MACROD2: variants seen among roughly 807,000 people sequenced by gnomAD.
MACROD2 encodes mono-ADP ribosylhydrolase 2, also known as ADP-ribose glycohydrolase MACROD2.
Under a neutral mutation model 70.4 loss-of-function variants are expected in MACROD2, and 36 were observed. The observed-to-expected ratio is 0.51, with a 90% CI of 0.39 to 0.68. MACROD2 has a LOEUF of 0.68. Among genes scored for constraint, MACROD2 ranks in the 30% least tolerant of loss-of-function variants. The probability of loss-of-function intolerance (pLI) is 0.00; values close to 1 mark genes in which losing one functional copy is unlikely to be tolerated. For missense variants in MACROD2, 496 were observed against 538.4 expected (o/e 0.92, Z 0.78); for synonymous variants, 172 against 178.8 (o/e 0.96, Z 0.30).
intron 5 of MACROD2, among the ~76,000 whole-genome samples, chr20:14,871,495 C>A (rs745525823): frequency 6.6e-6 from 1 of 152,106 alleles, no homozygotes. Flanking sequence ...GTCACCAGAC[C>A]TACCTTACAG....
At chr20:15,406,369 A>G (rs2046001234) in intron 6 of MACROD2, among the ~76,000 whole-genome samples, 1 of 152,068 alleles carries the variant, frequency 6.6e-6, no homozygotes, top group Admixed American at 6.6e-5. Context: ...ACAACCCTTG[A>G]CCTCCTGGCC....
chr20:14,588,969 TAG>T (rs1459538370), intron 4 of MACROD2, among the ~76,000 whole-genome samples: 1 of 152,218 alleles, frequency 6.6e-6, no homozygotes, highest in African/African-American at 2.4e-5. Flanking sequence ...TAAATTATTT[TAG>T]AGAGGGGATA....
At chr20:15,480,265 CTG>C (rs1291554078) in intron 7 of MACROD2, among the ~76,000 whole-genome samples, 1 of 152,100 alleles carries the variant, frequency 6.6e-6, no homozygotes, top group Non-Finnish European at 1.5e-5. Flanking sequence ...CCCCTTAAAA[CTG>C]GCCAAATGTT....
At chr20:14,667,373 G>A (rs1264358683) in intron 4 of MACROD2, among the ~76,000 whole-genome samples, 1 of 152,124 alleles carries the variant, frequency 6.6e-6, no homozygotes, top group African/African-American at 2.4e-5. Context: ...CTGAAGTATT[G>A]CATTTAGTCT....
intron 8 of MACROD2, among the ~76,000 whole-genome samples, chr20:15,586,725 A>C (rs1382594193): frequency 6.6e-6 from 1 of 152,222 alleles, no homozygotes; most frequent in African/African-American, 2.4e-5. Context: ...CTATTTGTAC[A>C]ATAGAAATGT....
At chr20:14,616,795 C>A (rs564356589) in intron 4 of MACROD2, among the ~76,000 whole-genome samples, 2 of 152,218 alleles carry the variant, frequency 1.3e-5, no homozygotes, top group East Asian at 3.9e-4. Flanking sequence ...CCTACTTCAT[C>A]TTAATGTCTA....
intron 8 of MACROD2, among the ~76,000 whole-genome samples, chr20:15,850,279 C>T (rs922378806): frequency 6.6e-6 from 1 of 152,070 alleles, no homozygotes; most frequent in Non-Finnish European, 1.5e-5. Context: ...CAAGGGTGAT[C>T]GAACAGGGGG....
intron 8 of MACROD2, among the ~76,000 whole-genome samples, chr20:15,859,151 T>G (rs918672390): frequency 1.3e-5 from 2 of 152,160 alleles, no homozygotes; most frequent in African/African-American, 4.8e-5. Context: ...TTACTGTTCA[T>G]GAGATGGAAG....
At chr20:14,784,666 A>ATT (rs2072342551) in intron 5 of MACROD2, among the ~76,000 whole-genome samples, 2 of 10,826 alleles carry the variant, frequency 1.8e-4, no homozygotes, top group Non-Finnish European at 3.9e-4. Context: ...TGGTGTTTTA[A>ATT]GTGGGGGGGG....
chr20:14,415,414 G>A (rs898721081), intron 3 of MACROD2, among the ~76,000 whole-genome samples: 6 of 151,356 alleles, frequency 4.0e-5, no homozygotes, highest in Non-Finnish European at 7.4e-5. Flanking sequence ...AGGTAACCAC[G>A]GCCAATTGTG....
intron 4 of MACROD2, among the ~76,000 whole-genome samples, chr20:14,510,237 T>G (rs1296868007): frequency 1.3e-5 from 2 of 152,076 alleles, no homozygotes; most frequent in Non-Finnish European, 1.5e-5. Context: ...AAAGCAGTTT[T>G]TCCTTAGCTC....
chr20:15,558,738 T>C (rs2048201902), intron 8 of MACROD2, among the ~76,000 whole-genome samples: 1 of 152,228 alleles, frequency 6.6e-6, no homozygotes, highest in African/African-American at 2.4e-5. Context: ...GAAAGAAAAC[T>C]TCAGGCAGCC....
intron 8 of MACROD2, among the ~76,000 whole-genome samples, chr20:15,723,007 A>G (rs746460010): frequency 2.0e-5 from 3 of 152,108 alleles, no homozygotes; most frequent in Admixed American, 1.3e-4. Flanking sequence ...TCAAATGTCT[A>G]TTTACCTGCA....
chr20:15,834,886 A>G (rs1460429351), intron 8 of MACROD2, among the ~76,000 whole-genome samples: 3 of 151,986 alleles, frequency 2.0e-5, no homozygotes. Flanking sequence ...CTCCCCTCCC[A>G]TTTCAATCAT....
In MACROD2 at chr20:14,695,608, G is replaced by A. The variant is rs78921418; in HGVS notation, c.418+10649G>A. 9.4e-3 allele frequency among the ~76,000 whole-genome samples: 1,431 copies of A among 152,268 alleles called. 14 individuals are homozygous for A. The highest frequency in any genetic ancestry group is 0.033 in the African/African-American group (1,357 of 41,538). On this transcript the variant is annotated intron_variant, in intron 5 of 17. Coordinates refer to ENST00000684519, the MANE Select transcript of MACROD2 (RefSeq NM_001351661.2). ...GGGAAAACCAGCTACCATGTTGTGA[G>A]GGAACTCAGACACCTTCTGGAGAGG... is the stretch of plus-strand genomic sequence containing the variant.
At chr20:14,432,366 A>G (rs1357810556) in intron 3 of MACROD2, among the ~76,000 whole-genome samples, 2 of 149,454 alleles carry the variant, frequency 1.3e-5, no homozygotes, top group African/African-American at 2.4e-5. Context: ...GTTTATTTTT[A>G]TATGTATTCA....
intron 5 of MACROD2, among the ~76,000 whole-genome samples, chr20:15,088,443 ATATATATAATATTTT>A (rs2075768805): frequency 2.2e-5 from 1 of 46,354 alleles, no homozygotes; most frequent in African/African-American, 8.0e-5. Flanking sequence ...ATATATATAT[ATATATATAATATTTT>A]GTGTGTGTGT....
intron 4 of MACROD2, among the ~76,000 whole-genome samples, chr20:14,667,425 T>C (rs2070747779): frequency 6.6e-6 from 1 of 152,222 alleles, no homozygotes; most frequent in Admixed American, 6.5e-5. Context: ...TGTTACATTA[T>C]GCACAGCTTC....
intron 5 of MACROD2, among the ~76,000 whole-genome samples, chr20:15,019,164 C>T (rs374623348): frequency 8.1e-5 from 12 of 147,954 alleles, no homozygotes; most frequent in East Asian, 2.0e-4. Context: ...CACACACACA[C>T]GCGCGCGCGC....
Sources: gnomAD v4.1 joint callset for allele counts (sites outside exome capture counted in the v4.1 genomes callset) on GRCh38, gnomAD v4.1.1 for gene constraint, MANE v1.5 for transcripts, NCBI Gene and HGNC (gene_info 2026-07-23, HGNC 2026-07-21) for gene names.